PRDM6: variants seen among roughly 807,000 people sequenced by gnomAD.
PRDM6 encodes putative histone-lysine N-methyltransferase PRDM6.
PRDM6 carries 25 observed loss-of-function variants against 60.8 expected under a neutral mutation model. That is an observed-to-expected ratio of 0.41 (90% confidence interval 0.30 to 0.57). The LOEUF (loss-of-function observed/expected upper bound fraction) is 0.57. Ranked by LOEUF, PRDM6 falls within the 20% of genes least tolerant of loss-of-function variation. The probability of loss-of-function intolerance (pLI) is 0.27; values close to 1 mark genes in which losing one functional copy is unlikely to be tolerated. For synonymous variants in PRDM6, 407 were observed against 357.4 expected, an observed-to-expected ratio of 1.14 and a Z score of -1.57; for missense variants, 839 against 821.3, an observed-to-expected ratio of 1.02 and a Z score of -0.26.
Position 123,092,878 on chromosome 5 carries a change from C to G in PRDM6, c.592+2272C>G, listed in dbSNP as rs1419657361. On this transcript the variant is annotated intron_variant, in intron 2 of 7. Coordinates refer to ENST00000407847, the MANE Select transcript of PRDM6 (RefSeq NM_001136239.4). ...CACTCATTTGAAGCCATGGGATGTA[C>G]TTTTACAAAGATGAAACGTGATTGA... is the stretch of plus-strand genomic sequence containing the variant. Among the ~76,000 whole-genome samples the G allele has an allele frequency of 2.0e-5, 3 of 152,156 alleles. No individual in the cohort carries two copies. The East Asian group carries it at 5.8e-4, about 29-fold the overall frequency.
intron 3 of PRDM6, among the ~76,000 whole-genome samples, chr5:123,153,985 C>T (rs1580522888): frequency 6.6e-6 from 1 of 152,240 alleles, no homozygotes; most frequent in Non-Finnish European, 1.5e-5. Context: ...ATCAACATTT[C>T]TTACTCCATC....
chr5:123,132,122 CT>C (rs1764846557), intron 3 of PRDM6, among the ~76,000 whole-genome samples: 1 of 152,106 alleles, frequency 6.6e-6, no homozygotes. Flanking sequence ...CGTATGTGCC[CT>C]TTTCATAACA....
In PRDM6 at chr5:123,090,598, C is replaced by G. The variant is rs570205613; in HGVS notation, c.584C>G (p.Pro195Arg). 4 of 1,522,690 alleles carry G rather than the reference C, an allele frequency of 2.6e-6. No individual in the cohort carries two copies. The highest frequency in any genetic ancestry group is 3.5e-6 in the Non-Finnish European group (4 of 1,142,610). 94.3% of individuals were successfully genotyped at this position (1,522,690 alleles called of 1,614,324 possible). A position where few individuals can be genotyped will look rare whatever the true frequency, so the allele number is the denominator to read the frequency against. ...IIPLNQHTSD[P>R]NNRCDMCADN... ...CCGCTCAACCAGCACACCAGCGACC[C>G]CAACAACCGTACGTAGCCGCAGCCC... The change falls in exon 2 of 8, where the codon CCC becomes CGC. Residue 195 changes from proline (P) to arginine (R), a missense_variant. By Grantham distance (103) the Pro-to-Arg change is moderately radical. Coordinates refer to ENST00000407847, the MANE Select transcript of PRDM6 (RefSeq NM_001136239.4).
intron 6 of PRDM6, among the ~76,000 whole-genome samples, chr5:123,178,036 T>C (rs577789267): frequency 6.6e-6 from 1 of 152,238 alleles, no homozygotes; most frequent in South Asian, 2.1e-4. Context: ...CGATTTGCCT[T>C]CCATTGGCGT....
At chr5:123,094,796 C>G (rs1003384945) in intron 2 of PRDM6, among the ~76,000 whole-genome samples, 15 of 152,114 alleles carry the variant, frequency 9.9e-5, no homozygotes, top group African/African-American at 3.4e-4. Context: ...GGGCAGGGGC[C>G]GGCGAGGTTT....
At chr5:123,186,974 G>A in intron 7 of PRDM6, 113 bp from the exon 8 acceptor site, 2 of 763,088 alleles carry the variant, frequency 2.6e-6, no homozygotes, top group East Asian at 2.8e-5. Context: ...TCTTGAGCTG[G>A]TAAAATCTGA....
rs367667064 is a variant in PRDM6, at chr5:123,089,628, G to A, written c.-16+109G>A. ...GAGACTGTTCTGCCTCCTGGCGCCTGAGGCCAACGCGGCTCGGGCGCTGCG... is the reference window on the plus strand; with the variant it reads ...GAGACTGTTCTGCCTCCTGGCGCCTAAGGCCAACGCGGCTCGGGCGCTGCG... On this transcript the variant is annotated intron_variant, in intron 1 of 7. Coordinates refer to ENST00000407847, the MANE Select transcript of PRDM6 (RefSeq NM_001136239.4). The A allele has an allele frequency of 4.7e-3, 1,022 of 218,376 alleles. 11 individuals are homozygous for A. Among genetic ancestry groups the A allele is most frequent in the African/African-American group, 0.022 (957 of 43,082 alleles). 13.5% of individuals were successfully genotyped at this position (218,376 alleles called of 1,614,324 possible).
intron 3 of PRDM6, among the ~76,000 whole-genome samples, chr5:123,130,370 T>G (rs1045262228): frequency 7.8e-6 from 1 of 128,632 alleles, no homozygotes; most frequent in African/African-American, 3.0e-5. Flanking sequence ...TCTTCCCTCC[T>G]CCTTTTTTCT....
chr5:123,124,928 A>C (rs975703348), intron 3 of PRDM6, among the ~76,000 whole-genome samples: 3 of 152,206 alleles, frequency 2.0e-5, no homozygotes, highest in Non-Finnish European at 4.4e-5. Flanking sequence ...AAAGTGGGAA[A>C]AAAGGTCCAT....
At chr5:123,098,535 C>T (rs1764014190) in intron 2 of PRDM6, among the ~76,000 whole-genome samples, 1 of 152,240 alleles carries the variant, frequency 6.6e-6, no homozygotes, top group African/African-American at 2.4e-5. Context: ...CGCCTGCCTC[C>T]TTCCAGCCCA....
At chr5:123,089,783 G>A (rs1425085065) in intron 1 of PRDM6, among the ~76,000 whole-genome samples, 1 of 152,210 alleles carries the variant, frequency 6.6e-6, no homozygotes, top group Non-Finnish European at 1.5e-5. Flanking sequence ...GCTGCGATCG[G>A]GGAGGCAGAG....
Position 123,090,101 on chromosome 5 carries a change from C to G in PRDM6, c.87C>G (p.His29Gln). ...AGCACTGGCAGCAACTCTTCCCTCA[C>G]GGAGGCGCAGGCCCGCTCAAGGGCA... is the stretch of plus-strand genomic sequence containing the variant. ...YLQHWQQLFPHGGAGPLKGSG... is the reference protein window; with the variant it reads ...YLQHWQQLFPQGGAGPLKGSG... Residue 29 changes from histidine to glutamine, a missense_variant, in exon 2 of 8, where the codon CAC (histidine) becomes CAG (glutamine). This residue lies in a region of PRDM6 where 730 missense variants were observed against 648.8 expected (regional missense o/e 1.13). Transcript: ENST00000407847. The G allele has an allele frequency of 1.3e-6, 2 of 1,546,416 alleles. No homozygotes were observed. Among genetic ancestry groups the G allele is most frequent in the African/African-American group, 1.4e-5 (1 of 72,470 alleles).
At chr5:123,176,235 C>CATTAGTGTT (rs1766004805) in intron 6 of PRDM6, among the ~76,000 whole-genome samples, 1 of 143,668 alleles carries the variant, frequency 7.0e-6, no homozygotes, top group African/African-American at 2.6e-5. Flanking sequence ...AGAACAGCTC[C>CATTAGTGTT]GTCATTAGAC....
chr5:123,194,014 TATGAC>T lies in PRDM6; in HGVS notation c.*6815_*6819del, dbSNP rs1423531984. On this transcript the variant is annotated 3_prime_UTR_variant, in exon 8 of 8. Transcript: ENST00000407847. ...TGTAGTTTGCTGTAAGGGCCACTGATATGACAAGAATGATTATCCCACAGTAAGAA... is the reference window on the plus strand; with the variant it reads ...TGTAGTTTGCTGTAAGGGCCACTGATAAGAATGATTATCCCACAGTAAGAA... 6.6e-6 allele frequency: 1 copy of T among 152,166 alleles called. No homozygotes were observed. The highest frequency in any genetic ancestry group is 1.5e-5 in the Non-Finnish European group (1 of 68,024). 9.4% of individuals were successfully genotyped at this position (152,166 alleles called of 1,614,324 possible).
chr5:123,119,089 T>C (rs1331326793), intron 3 of PRDM6, among the ~76,000 whole-genome samples: 1 of 152,088 alleles, frequency 6.6e-6, no homozygotes, highest in Non-Finnish European at 1.5e-5. Flanking sequence ...GTTCATATGA[T>C]AGTAGCAGAA....
Position 123,099,267 on chromosome 5 carries a change from C to A in PRDM6, c.593-387C>A, listed in dbSNP as rs1764034915. 6.6e-6 allele frequency among the ~76,000 whole-genome samples: 1 copy of A among 151,692 alleles called. No homozygotes were observed. Among genetic ancestry groups the A allele is most frequent in the South Asian group, 2.1e-4 (1 of 4,796 alleles). On this transcript the variant is annotated intron_variant, in intron 2 of 7. Transcript: ENST00000407847. This position sits in a 1 kb window ranked among gnomAD's most constrained non-coding sequence, Gnocchi z 4.0. ...GAATGGGCGAGAGGGTCAGAAGGAACGAGAGACAGTAGGGAAGAGAGAGAG... is the reference window on the plus strand; with the variant it reads ...GAATGGGCGAGAGGGTCAGAAGGAAAGAGAGACAGTAGGGAAGAGAGAGAG...
At chr5:123,110,030 C>T (rs1045990868) in intron 3 of PRDM6, among the ~76,000 whole-genome samples, 5 of 152,142 alleles carry the variant, frequency 3.3e-5, no homozygotes, top group Admixed American at 6.5e-5. Flanking sequence ...TTGGCACTGT[C>T]TGTAAAAATG....
intron 6 of PRDM6, 39 bp from the exon 7 acceptor site, chr5:123,180,108 C>G: frequency 6.7e-7 from 1 of 1,492,516 alleles, no homozygotes. Context: ...CTGACCAACG[C>G]AGAAAACAAT....
At chr5:123,098,909 C>G (rs1764027773) in intron 2 of PRDM6, among the ~76,000 whole-genome samples, 1 of 140,906 alleles carries the variant, frequency 7.1e-6, no homozygotes, top group African/African-American at 2.6e-5. Flanking sequence ...CCATTTCGGG[C>G]GCGCCCTTGG....
Sources: allele counts gnomAD v4.1 joint callset (sites outside exome capture counted in the v4.1 genomes callset), GRCh38; gene constraint gnomAD v4.1.1; regional missense constraint gnomAD v4.1.1; non-coding constraint Gnocchi (gnomAD v3.1); transcripts MANE v1.5; gene names NCBI Gene and HGNC (gene_info 2026-07-23, HGNC 2026-07-21).